Variants in NIPSNAP2 observed in about 807,000 individuals in gnomAD.
NIPSNAP2 encodes nipsnap homolog 2.
Under a neutral mutation model 48.4 loss-of-function variants are expected in NIPSNAP2, and 42 were observed. The observed-to-expected ratio is 0.87, with a 90% CI of 0.68 to 1.12. The LOEUF is 1.12. Among genes scored for constraint, NIPSNAP2 ranks in the 50% most tolerant of loss-of-function variants. The probability of loss-of-function intolerance (pLI) is 0.00; values close to 1 mark genes in which losing one functional copy is unlikely to be tolerated. For missense variants in NIPSNAP2, 314 were observed against 347.3 expected (o/e 0.90, Z 0.76); for synonymous variants, 158 against 126.6 (o/e 1.25, Z -1.67).
At chr7:55,969,939 C>T (rs1692266787) in intron 1 of NIPSNAP2, among the ~76,000 whole-genome samples, 1 of 148,948 alleles carries the variant, frequency 6.7e-6, no homozygotes, top group Admixed American at 6.7e-5. Flanking sequence ...GCCGAGATCC[C>T]ACCACTGCAC....
At chr7:55,965,408 A>C (rs939310706) in intron 1 of NIPSNAP2, among the ~76,000 whole-genome samples, 4 of 151,660 alleles carry the variant, frequency 2.6e-5, no homozygotes, top group Non-Finnish European at 4.4e-5. Flanking sequence ...TGATATTTGC[A>C]TGTGCTGTTT....
chr7:55,982,860 T>A (rs374556703), intron 5 of NIPSNAP2, among the ~76,000 whole-genome samples: 1 of 147,612 alleles, frequency 6.8e-6, no homozygotes, highest in East Asian at 2.1e-4. Flanking sequence ...CGGTAACTCA[T>A]GCTTGTAATC....
At chr7:55,997,277 G>A in intron 8 of NIPSNAP2, 89 bp from the exon 9 acceptor site, 2 of 922,576 alleles carry the variant, frequency 2.2e-6, no homozygotes, top group Non-Finnish European at 1.8e-6. Context: ...AAAACTAGAT[G>A]TCCAGGTGAA....
chr7:55,967,403 C>G (rs1786916999), intron 1 of NIPSNAP2, among the ~76,000 whole-genome samples: 1 of 152,194 alleles, frequency 6.6e-6, no homozygotes, highest in Admixed American at 6.5e-5. Flanking sequence ...CAACCCTCAG[C>G]AATACTCGTC....
At chr7:55,982,088 T>G in intron 4 of NIPSNAP2, 122 bp from the exon 5 acceptor site, 3 of 552,752 alleles carry the variant, frequency 5.4e-6, no homozygotes, top group South Asian at 4.6e-5. Flanking sequence ...ATTACAGGCA[T>G]GAGCCACCAC....
chr7:55,974,939 A>G (rs1787080473), intron 1 of NIPSNAP2, among the ~76,000 whole-genome samples: 2 of 151,886 alleles, frequency 1.3e-5, no homozygotes, highest in Non-Finnish European at 2.9e-5. Flanking sequence ...CTGGCCCATC[A>G]GCATCTGGAC....
At chr7:55,983,904 TCTGTGAAAAAG>T in intron 6 of NIPSNAP2, 36 bp downstream of exon 6, 1 of 1,594,812 alleles carries the variant, frequency 6.3e-7, no homozygotes, top group Non-Finnish European at 8.6e-7. Context: ...CTTTTACTCC[TCTGTGAAAAAG>T]CACAAGCATT....
intron 8 of NIPSNAP2, 41 bp from the exon 9 acceptor site, chr7:55,997,325 A>T (rs1020996949): frequency 7.3e-7 from 1 of 1,374,764 alleles, no homozygotes; most frequent in South Asian, 1.2e-5. Flanking sequence ...AATGCAGTGT[A>T]TGTGTTTTAA....
intron 5 of NIPSNAP2, among the ~76,000 whole-genome samples, chr7:55,982,625 A>G (rs890337814): frequency 1.3e-5 from 2 of 151,832 alleles, no homozygotes; most frequent in Non-Finnish European, 2.9e-5. Flanking sequence ...GGTGGCAGGC[A>G]CCTGTAGTCC....
chr7:55,971,397 C>T (rs968428482), intron 1 of NIPSNAP2, among the ~76,000 whole-genome samples: 1 of 152,126 alleles, frequency 6.6e-6, no homozygotes, highest in African/African-American at 2.4e-5. Flanking sequence ...CTGCATTTTT[C>T]GATTACTAGC....
At chr7:55,989,301 A>C (rs1043533765) in intron 7 of NIPSNAP2, among the ~76,000 whole-genome samples, 2 of 152,190 alleles carry the variant, frequency 1.3e-5, no homozygotes, top group African/African-American at 4.8e-5. Flanking sequence ...AATCCTGACT[A>C]TTATAATATG....
intron 7 of NIPSNAP2, among the ~76,000 whole-genome samples, chr7:55,987,871 G>A (rs1787363441): frequency 6.6e-6 from 1 of 152,130 alleles, no homozygotes; most frequent in Non-Finnish European, 1.5e-5. Context: ...AAAATGTTTT[G>A]GAGATCTGTG....
intron 7 of NIPSNAP2, among the ~76,000 whole-genome samples, chr7:55,992,920 G>GA (rs929516253): frequency 2.0e-5 from 3 of 151,640 alleles, no homozygotes; most frequent in African/African-American, 7.3e-5. Context: ...GACTGCTTTT[G>GA]AAAAAATGGG....
At chr7:55,984,902 T>C in intron 7 of NIPSNAP2, 24 bp downstream of exon 7, 3 of 1,589,980 alleles carry the variant, frequency 1.9e-6, no homozygotes, top group Non-Finnish European at 2.6e-6. Context: ...TGAATGGTGA[T>C]TTTTTAAGTC....
intron 1 of NIPSNAP2, among the ~76,000 whole-genome samples, chr7:55,967,586 C>A (rs1298399014): frequency 6.6e-6 from 1 of 151,946 alleles, no homozygotes; most frequent in Non-Finnish European, 1.5e-5. Context: ...CCCACCTCAG[C>A]CTCCCAAGTA....
At chr7:55,997,262 C>T in intron 8 of NIPSNAP2, 104 bp from the exon 9 acceptor site, 1 of 816,742 alleles carries the variant, frequency 1.2e-6, no homozygotes. Context: ...GAAGTAGTCC[C>T]TGAGAAAACT....
At chr7:55,997,958 A>G (rs1787596941) in intron 9 of NIPSNAP2, among the ~76,000 whole-genome samples, 1 of 152,186 alleles carries the variant, frequency 6.6e-6, no homozygotes, top group Admixed American at 6.6e-5. Context: ...TTTTTAAAAG[A>G]AAACAGTTGG....
chr7:55,985,883 A>G (rs1258685881), intron 7 of NIPSNAP2, among the ~76,000 whole-genome samples: 2 of 151,500 alleles, frequency 1.3e-5, no homozygotes, highest in Non-Finnish European at 2.9e-5. Context: ...CCCCATCTCT[A>G]CTGAAAATAT....
chr7:55,983,960 C>T, intron 6 of NIPSNAP2, 92 bp downstream of exon 6: 1 of 1,109,442 alleles, frequency 9.0e-7, no homozygotes. Flanking sequence ...TGTGTACATT[C>T]TGTGATGTAT....
Sources: gnomAD v4.1 joint callset for allele counts (sites outside exome capture counted in the v4.1 genomes callset) on GRCh38, gnomAD v4.1.1 for gene constraint, MANE v1.5 for transcripts, NCBI Gene and HGNC (gene_info 2026-07-23, HGNC 2026-07-21) for gene names.